TRHDE: variants seen among roughly 807,000 people sequenced by gnomAD.
TRHDE encodes the protein thyrotropin-releasing hormone-degrading ectoenzyme.
In TRHDE, 72 loss-of-function variants were observed where a neutral mutation model predicts 125.7. That is an observed-to-expected ratio of 0.57 (90% confidence interval 0.47 to 0.70). The LOEUF (loss-of-function observed/expected upper bound fraction) is 0.70. Ranked by LOEUF, TRHDE falls within the 30% of genes least tolerant of loss-of-function variation. TRHDE has a pLI of 0.00. For missense variants in TRHDE, 1,110 were observed against 1,327.1 expected (o/e 0.84, Z 2.54); for synonymous variants, 509 against 509.1 (o/e 1.00, Z 0.00).
intron 2 of TRHDE, among the ~76,000 whole-genome samples, chr12:72,240,671 G>T (rs1039194088): frequency 2.0e-5 from 3 of 151,668 alleles, no homozygotes; most frequent in African/African-American, 2.4e-5. Flanking sequence ...CCAGGTTCAC[G>T]CCATTCTCCT....
intron 2 of TRHDE, among the ~76,000 whole-genome samples, chr12:72,230,264 A>G (rs1380312862): frequency 1.3e-5 from 2 of 152,188 alleles, no homozygotes; most frequent in Non-Finnish European, 2.9e-5. Context: ...TCTCATCACT[A>G]TTAACGATAC....
At chr12:72,187,483 G>GGTCGTGGTGGTC (rs1301589369) in intron 2 of TRHDE, among the ~76,000 whole-genome samples, 1 of 146,644 alleles carries the variant, frequency 6.8e-6, no homozygotes, top group African/African-American at 2.5e-5. Flanking sequence ...TGGTCGTGGT[G>GGTCGTGGTGGTC]GTGGTGGTGG....
At chr12:72,600,392 G>A (rs778659216) in intron 12 of TRHDE, among the ~76,000 whole-genome samples, 1 of 152,004 alleles carries the variant, frequency 6.6e-6, no homozygotes, top group Non-Finnish European at 1.5e-5. Context: ...CATGAACATG[G>A]AATGTTTTTC....
At chr12:72,372,314 C>T (rs935564948) in intron 2 of TRHDE, among the ~76,000 whole-genome samples, 22 of 152,004 alleles carry the variant, frequency 1.4e-4, no homozygotes, top group Middle Eastern at 3.4e-3. Flanking sequence ...GAGTAGGTTG[C>T]GAAAATTTTC....
intron 2 of TRHDE, among the ~76,000 whole-genome samples, chr12:72,373,132 A>G (rs570351739): frequency 5.3e-5 from 8 of 151,994 alleles, no homozygotes; most frequent in Non-Finnish European, 1.2e-4. Context: ...ATTCCTAGGT[A>G]TTTTATTCTG....
intron 17 of TRHDE, among the ~76,000 whole-genome samples, chr12:72,655,477 T>G (rs1039643777): frequency 2.6e-5 from 4 of 152,156 alleles, no homozygotes; most frequent in African/African-American, 9.7e-5. Context: ...AAAATTACTT[T>G]CTTTCCTGTT....
intron 2 of TRHDE, among the ~76,000 whole-genome samples, chr12:72,262,030 G>C (rs1052417025): frequency 6.6e-6 from 1 of 152,200 alleles, no homozygotes; most frequent in African/African-American, 2.4e-5. Flanking sequence ...TGTGGGAACA[G>C]ACAGGAGGTG....
chr12:72,581,463 A>C (rs1268073621), intron 12 of TRHDE, among the ~76,000 whole-genome samples: 1 of 152,218 alleles, frequency 6.6e-6, no homozygotes, highest in Non-Finnish European at 1.5e-5. Context: ...TATCATCATC[A>C]TCATAAATAT....
intron 2 of TRHDE, among the ~76,000 whole-genome samples, chr12:72,169,973 C>T (rs962515401): frequency 2.6e-5 from 4 of 152,012 alleles, no homozygotes; most frequent in African/African-American, 4.8e-5. Context: ...CAATGTTATA[C>T]CAGATTTAGG....
intron 2 of TRHDE, among the ~76,000 whole-genome samples, chr12:72,182,278 T>C (rs1877110019): frequency 6.6e-6 from 1 of 152,186 alleles, no homozygotes; most frequent in Non-Finnish European, 1.5e-5. Flanking sequence ...GGATGGACAG[T>C]TGATTTAAAC....
chr12:72,250,857 TA>T, intron 2 of TRHDE, among the ~76,000 whole-genome samples: 1 of 145,776 alleles, frequency 6.9e-6, no homozygotes, highest in Non-Finnish European at 1.5e-5. Flanking sequence ...TATATATATA[TA>T]TATATTTTAT....
intron 2 of TRHDE, among the ~76,000 whole-genome samples, chr12:72,359,117 G>T (rs1159566158): frequency 1.0e-5 from 1 of 96,120 alleles, no homozygotes; most frequent in African/African-American, 4.1e-5. Flanking sequence ...ACCTCCCCAA[G>T]AAAGCAAATA....
Position 72,663,762 on chromosome 12 carries a change from T to C in TRHDE, c.*567T>C, listed in dbSNP as rs1220834901. The C allele has an allele frequency of 1.3e-5, 2 of 152,504 alleles. No homozygotes were observed. Among genetic ancestry groups the C allele is most frequent in the Non-Finnish European group, 2.9e-5 (2 of 68,020 alleles). The allele number at this position is 152,504 out of a possible 1,614,324, so 9.4% of individuals were successfully genotyped here. The stretch of plus-strand genomic sequence containing the variant: ...TAGCCCTTGACATGATGAACATCAC[T>C]TATTTCAGCACTTGGATTGTCTGGC... On this transcript the variant is annotated 3_prime_UTR_variant, in exon 19 of 19. Transcript: ENST00000261180.
chr12:72,411,703 A>C (rs1040266629), intron 3 of TRHDE, among the ~76,000 whole-genome samples: 1 of 152,152 alleles, frequency 6.6e-6, no homozygotes. Flanking sequence ...TTAAAGGAAT[A>C]TAAGATGGGA....
At chr12:72,417,825 G>T (rs1873794502) in intron 3 of TRHDE, among the ~76,000 whole-genome samples, 1 of 151,770 alleles carries the variant, frequency 6.6e-6, no homozygotes, top group Non-Finnish European at 1.5e-5. Flanking sequence ...TAAGTTTACT[G>T]ACCAGATTTC....
At chr12:72,374,130 A>G (rs1485583765) in intron 2 of TRHDE, among the ~76,000 whole-genome samples, 1 of 152,096 alleles carries the variant, frequency 6.6e-6, no homozygotes, top group Admixed American at 6.6e-5. Context: ...TTCTGGATGT[A>G]TTGTTAAAAG....
intron 15 of TRHDE, among the ~76,000 whole-genome samples, chr12:72,631,096 A>C (rs1219183453): frequency 6.6e-6 from 1 of 151,258 alleles, no homozygotes; most frequent in African/African-American, 2.4e-5. Context: ...TTTAATTTTC[A>C]TATATAAATA....
intron 1 of TRHDE, among the ~76,000 whole-genome samples, chr12:72,103,673 T>C (rs1172730559): frequency 6.6e-6 from 1 of 152,164 alleles, no homozygotes; most frequent in Non-Finnish European, 1.5e-5. Context: ...GTATAAGTTC[T>C]TTAAGGGCAA....
At chr12:72,572,009 AC>A (rs1870759625) in intron 10 of TRHDE, among the ~76,000 whole-genome samples, 2 of 151,178 alleles carry the variant, frequency 1.3e-5, no homozygotes, top group Admixed American at 1.3e-4. Flanking sequence ...ACACACACAC[AC>A]ACACACACGA....
Sources: gnomAD v4.1 joint callset for allele counts (sites outside exome capture counted in the v4.1 genomes callset) on GRCh38, gnomAD v4.1.1 for gene constraint, MANE v1.5 for transcripts, NCBI Gene and HGNC (gene_info 2026-07-23, HGNC 2026-07-21) for gene names.